GRIN2A: variants seen among roughly 807,000 people sequenced by gnomAD.
The protein encoded by GRIN2A is glutamate ionotropic receptor NMDA type subunit 2A.
A neutral mutation model predicts 113.4 loss-of-function variants in GRIN2A; 22 were observed. The ratio of observed to expected loss-of-function variants is 0.19; its 90% confidence interval spans 0.14 to 0.28. The LOEUF (loss-of-function observed/expected upper bound fraction) is 0.28. Ranked by LOEUF, GRIN2A falls within the 10% of genes least tolerant of loss-of-function variation. The pLI, the probability that GRIN2A is intolerant of heterozygous loss-of-function variation, is 1.00. For missense variants in GRIN2A, 1,502 were observed against 1,887.0 expected (o/e 0.80, Z 3.78); for synonymous variants, 827 against 738.4 (o/e 1.12, Z -1.94).
intron 2 of GRIN2A, among the ~76,000 whole-genome samples, chr16:9,995,028 T>G (rs1370145711): frequency 3.3e-5 from 5 of 152,214 alleles, no homozygotes; most frequent in Non-Finnish European, 7.3e-5. Flanking sequence ...AGGGACGAGC[T>G]GAAGAATCCC....
intron 2 of GRIN2A, among the ~76,000 whole-genome samples, chr16:9,984,215 C>T (rs2045940834): frequency 7.5e-6 from 1 of 133,096 alleles, no homozygotes; most frequent in South Asian, 2.3e-4. Context: ...ACTCATTTGC[C>T]CATTTTTAAT....
At chr16:9,769,195 C>A in intron 11 of GRIN2A, 106 bp from the exon 12 acceptor site, 1 of 878,184 alleles carries the variant, frequency 1.1e-6, no homozygotes, top group Non-Finnish European at 1.9e-6. Context: ...GCTATGTAAC[C>A]TTAAGACAAG....
At chr16:9,951,155 C>A (rs1329766843) in intron 2 of GRIN2A, among the ~76,000 whole-genome samples, 1 of 152,152 alleles carries the variant, frequency 6.6e-6, no homozygotes, top group African/African-American at 2.4e-5. Flanking sequence ...CCATCACCAG[C>A]TTCTTCCTCT....
At chr16:10,153,881 C>T (rs1262137296) in intron 2 of GRIN2A, among the ~76,000 whole-genome samples, 1 of 152,214 alleles carries the variant, frequency 6.6e-6, no homozygotes, top group Non-Finnish European at 1.5e-5. Context: ...AAACCCCGTG[C>T]TGAATGCTGG....
intron 2 of GRIN2A, among the ~76,000 whole-genome samples, chr16:10,015,279 A>G (rs2046587243): frequency 1.5e-5 from 2 of 136,972 alleles, no homozygotes; most frequent in African/African-American, 2.8e-5. Flanking sequence ...AAAGAAAAAA[A>G]AAAAGAAAAA....
At chr16:10,154,827 G>A (rs1330801693) in intron 2 of GRIN2A, among the ~76,000 whole-genome samples, 3 of 152,136 alleles carry the variant, frequency 2.0e-5, no homozygotes, top group African/African-American at 7.2e-5. Flanking sequence ...ATGTGAAAGA[G>A]GCACATTTAG....
chr16:9,764,299 G>A lies in GRIN2A; in HGVS notation c.3245C>T (p.Thr1082Ile). Residue 1082 changes from threonine to isoleucine, a missense_variant, in exon 13 of 13, where the codon ACC becomes ATC. Transcript: ENST00000330684. ...REPDNSKNHK[T>I]KDNFKRSVAS... ...CACTGACCTTTTAAAGTTGTCCTTG[G>A]TTTTGTGGTTCTTACTGTTGTCAGG... 1.2e-6 allele frequency: 2 copies of A among 1,614,026 alleles called. No homozygotes were observed. Among genetic ancestry groups the A allele is most frequent in the Non-Finnish European group, 1.7e-6 (2 of 1,180,006 alleles).
chr16:9,797,604 A>G (rs1487088050), intron 11 of GRIN2A, among the ~76,000 whole-genome samples: 1 of 152,222 alleles, frequency 6.6e-6, no homozygotes, highest in East Asian at 1.9e-4. Flanking sequence ...ACATGACTCC[A>G]CCGTGAGTCA....
chr16:9,811,810 C>T (rs145241935), intron 10 of GRIN2A, among the ~76,000 whole-genome samples: 82 of 152,234 alleles, frequency 5.4e-4, no homozygotes, highest in Non-Finnish European at 1.0e-3. Flanking sequence ...GGATATAGAA[C>T]CTGCCAGGGA....
rs540288029 is a variant in GRIN2A at position 10,088,229 on chromosome 16, G to A, written c.414+91769C>T. On this transcript the variant is annotated intron_variant, in intron 2 of 12. Coordinates refer to ENST00000330684, the MANE Select transcript of GRIN2A (RefSeq NM_001134407.3). ...AGCCTCTGTTAGAGTCTCCCAGATT[G>A]AAAAATTCATCCTAAAGTCGATTTC... 7.2e-5 allele frequency among the ~76,000 whole-genome samples: 11 copies of A among 152,206 alleles called. No homozygotes were observed. The East Asian group carries it at 1.9e-3, about 27-fold the overall frequency.
At chr16:10,111,879 T>G (rs986964893) in intron 2 of GRIN2A, 1 of 942,698 alleles carries the variant, frequency 1.1e-6, no homozygotes, top group African/African-American at 1.6e-5. Flanking sequence ...TCAACTTTCT[T>G]GCTGAGAAGG....
chr16:10,138,706 G>T (rs2142246288), intron 2 of GRIN2A, among the ~76,000 whole-genome samples: 1 of 152,234 alleles, frequency 6.6e-6, no homozygotes, highest in Middle Eastern at 3.4e-3. Context: ...TCAAGCAGGG[G>T]TAAGAATAGT....
intron 2 of GRIN2A, among the ~76,000 whole-genome samples, chr16:10,175,160 A>G (rs1446501498): frequency 1.3e-5 from 2 of 152,194 alleles, no homozygotes; most frequent in Non-Finnish European, 2.9e-5. Flanking sequence ...AGACTATACC[A>G]CCTAGGTTTG....
intron 10 of GRIN2A, among the ~76,000 whole-genome samples, chr16:9,810,914 G>T (rs1158194475): frequency 1.3e-5 from 2 of 152,166 alleles, no homozygotes; most frequent in East Asian, 3.9e-4. Flanking sequence ...GCAGCTGTCT[G>T]GGGTTGGCCC....
intron 2 of GRIN2A, among the ~76,000 whole-genome samples, chr16:10,093,767 T>G (rs1028749233): frequency 1.6e-4 from 25 of 152,198 alleles, no homozygotes; most frequent in Non-Finnish European, 3.1e-4. Flanking sequence ...ACCTCTTGAC[T>G]TTGAGTTTGA....
At chr16:9,791,802 CA>C (rs1902620406) in intron 11 of GRIN2A, among the ~76,000 whole-genome samples, 1 of 151,736 alleles carries the variant, frequency 6.6e-6, no homozygotes, top group African/African-American at 2.4e-5. Flanking sequence ...ACAAGGCCAA[CA>C]AAAAAAGGAC....
At chr16:9,835,225 T>C (rs1047885674) in intron 7 of GRIN2A, among the ~76,000 whole-genome samples, 14 of 152,130 alleles carry the variant, frequency 9.2e-5, no homozygotes, top group African/African-American at 3.4e-4. Flanking sequence ...TATCTTCACA[T>C]GATAATTCAA....
At position 10,068,297 on chromosome 16, in the gene GRIN2A, G is replaced by T. The variant is rs533466103; in HGVS notation, c.414+111701C>A. 2.0e-5 allele frequency among the ~76,000 whole-genome samples: 3 copies of T among 152,272 alleles called. No homozygotes were observed. In the South Asian group the frequency reaches 6.2e-4, roughly 32 times the overall value. On this transcript the variant is annotated intron_variant, in intron 2 of 12. Coordinates refer to ENST00000330684, the MANE Select transcript of GRIN2A (RefSeq NM_001134407.3). ...TGCTATAAAGAAATACCTCAGACTGGGTAATTTATAAAGAAAAGACGTTTA... is the reference window on the plus strand; with the variant it reads ...TGCTATAAAGAAATACCTCAGACTGTGTAATTTATAAAGAAAAGACGTTTA...
intron 2 of GRIN2A, among the ~76,000 whole-genome samples, chr16:9,975,514 C>A (rs148296783): frequency 2.0e-5 from 3 of 152,162 alleles, no homozygotes; most frequent in Non-Finnish European, 4.4e-5. Flanking sequence ...AGCCTGCCAT[C>A]CACAGACTGC....
Sources: allele counts gnomAD v4.1 joint callset (sites outside exome capture counted in the v4.1 genomes callset), GRCh38; gene constraint gnomAD v4.1.1; transcripts MANE v1.5; gene names NCBI Gene and HGNC (gene_info 2026-07-23, HGNC 2026-07-21).